CACNA1S: variants seen among roughly 807,000 people sequenced by gnomAD.
CACNA1S encodes calcium voltage-gated channel subunit alpha1 S, also known as voltage-dependent L-type calcium channel subunit alpha-1S.
Under a neutral mutation model 207.4 loss-of-function variants are expected in CACNA1S, and 126 were observed. The ratio of observed to expected loss-of-function variants is 0.61; its 90% CI spans 0.53 to 0.70. The LOEUF is 0.70. Among genes scored for constraint, CACNA1S ranks in the 30% least tolerant of loss-of-function variants. The probability of loss-of-function intolerance (pLI) is 0.00; values close to 1 mark genes in which losing one functional copy is unlikely to be tolerated. For missense variants in CACNA1S, 2,349 were observed against 2,422.8 expected, an observed-to-expected ratio of 0.97 and a Z score of 0.64; for synonymous variants, 960 against 932.7, an observed-to-expected ratio of 1.03 and a Z score of -0.53.
intron 7 of CACNA1S, among the ~76,000 whole-genome samples, chr1:201,087,481 C>T (rs543846497): frequency 2.0e-5 from 3 of 152,162 alleles, no homozygotes; most frequent in Non-Finnish European, 4.4e-5. Context: ...TGAGGAGTGT[C>T]AAAACAGAGG....
chr1:201,058,180 C>T (rs923730239), intron 28 of CACNA1S, among the ~76,000 whole-genome samples: 6 of 152,192 alleles, frequency 3.9e-5, no homozygotes, highest in African/African-American at 1.4e-4. Flanking sequence ...CAGCTCTTGC[C>T]TTTGATAGTG....
chr1:201,077,743 G>A (rs1661680035), intron 11 of CACNA1S, 136 bp downstream of exon 11: 2 of 622,874 alleles, frequency 3.2e-6, no homozygotes. Context: ...ATTTCAAGGA[G>A]GGAGGGAAGT....
intron 5 of CACNA1S, 130 bp from the exon 6 acceptor site, chr1:201,089,593 G>C (rs1264218544): frequency 1.1e-6 from 1 of 888,262 alleles, no homozygotes; most frequent in Non-Finnish European, 1.8e-6. Flanking sequence ...AAATGCAAAA[G>C]ACAGCTTCAC....
rs1660769301 is a variant in CACNA1S, at chr1:201,054,575, A to G, written c.3610-14T>C. 1.9e-6 allele frequency: 3 copies of G among 1,609,598 alleles called. No homozygotes were observed. In the East Asian group the frequency reaches 6.7e-5, roughly 36 times the overall value. On this transcript the variant is annotated splice_polypyrimidine_tract_variant and intron_variant, in intron 28 of 43. Transcript: ENST00000362061. ...GGCCAGGAAAGTCTGTGGAGAAAAG[A>G]GACGAAGGGAGGGGAAGGAGAGGAG...
At chr1:201,085,765 G>A (rs933825544) in intron 7 of CACNA1S, among the ~76,000 whole-genome samples, 184 bp from the exon 8 acceptor site, 1 of 151,858 alleles carries the variant, frequency 6.6e-6, no homozygotes, top group Non-Finnish European at 1.5e-5. Flanking sequence ...CTCACTTCCT[G>A]CTCACCCGTC....
In CACNA1S at chr1:201,039,564, C is replaced by CTAGG. The variant is rs1301794133; in HGVS notation, c.*263_*266dup. On this transcript the variant is annotated 3_prime_UTR_variant, in exon 44 of 44. Transcript: ENST00000362061. Reference sequence around the variant, plus strand: ...TAATGTCCTGCAGGTGGGAGTGGCCCTAGGCCAGACAGGCACTGACCAGGC... The same window carrying CTAGG: ...TAATGTCCTGCAGGTGGGAGTGGCCCTAGGTAGGCCAGACAGGCACTGACCAGGC... 8.9e-6 allele frequency: 5 copies of CTAGG among 562,830 alleles called. No homozygotes were observed. In the African/African-American group the frequency reaches 9.4e-5, roughly 11 times the overall value. The allele number at this position is 562,830 out of a possible 1,614,324, so 34.9% of individuals were successfully genotyped here.
In CACNA1S at chr1:201,053,389, A is replaced by C; in HGVS notation, c.3795+70T>G. 2 of 1,612,490 alleles carry C rather than the reference A, an allele frequency of 1.2e-6. No homozygotes were observed. Among genetic ancestry groups the C allele is most frequent in the Non-Finnish European group, 1.7e-6 (2 of 1,178,742 alleles). On this transcript the variant is annotated intron_variant, in intron 30 of 43. Coordinates refer to ENST00000362061, the MANE Select transcript of CACNA1S (RefSeq NM_000069.3). This position sits in a 1 kb window ranked among gnomAD's most constrained non-coding sequence, Gnocchi z 5.1. ...CTTGCCCAGGGCTCCCCTGGGGCCC[A>C]CCCTGGGCTGAGGCAGATGTCCCTA...
In CACNA1S at chr1:201,062,472, C is replaced by T; in HGVS notation, c.2896G>A (p.Glu966Lys). The T allele has an allele frequency of 6.2e-7, 1 of 1,614,014 alleles. No individual in the cohort carries two copies. Among genetic ancestry groups the T allele is most frequent in the Non-Finnish European group, 8.5e-7 (1 of 1,179,982 alleles). The part of the protein sequence containing the change: ...RCTDLSKMTE[E>K]ECRGYYYVYK... ...CCCTGCCCCATGTACCTGCACTCCTCCTCTGTCATCTTGGACAAGTCGGTG... is the reference window on the plus strand; with the variant it reads ...CCCTGCCCCATGTACCTGCACTCCTTCTCTGTCATCTTGGACAAGTCGGTG... The change falls in exon 23 of 44, where the codon GAG becomes AAG. Residue 966 changes from glutamate (E) to lysine (K), a missense_variant. Glu to Lys is a moderately conservative substitution (Grantham distance 56). Coordinates refer to ENST00000362061, the MANE Select transcript of CACNA1S (RefSeq NM_000069.3).
chr1:201,081,592 C>T (rs1474235619), intron 10 of CACNA1S, among the ~76,000 whole-genome samples: 1 of 152,164 alleles, frequency 6.6e-6, no homozygotes, highest in Non-Finnish European at 1.5e-5. Context: ...CTTTCCATTG[C>T]CTAAAGTGTA....
At chr1:201,083,963 A>G (rs1222909565) in intron 9 of CACNA1S, among the ~76,000 whole-genome samples, 1 of 152,082 alleles carries the variant, frequency 6.6e-6, no homozygotes, top group Non-Finnish European at 1.5e-5. Context: ...CTCATCCACA[A>G]CTGTTCCCTG....
chr1:201,047,578 A>T lies in CACNA1S; in HGVS notation c.4490T>A (p.Ile1497Asn). Residue 1497 changes from isoleucine to asparagine, a missense_variant, in exon 37 of 44, where the codon ATC (isoleucine) becomes AAC (asparagine). Transcript: ENST00000362061. ...GAGCTTCATGCTGGTTCTCTTCCAG[A>T]TCTTCTTGATGATGGCCCTCAGCTC... ...NEELRAIIKK[I>N]WKRTSMKLLD... The T allele has an allele frequency of 6.2e-7, 1 of 1,614,166 alleles. No homozygotes were observed. The highest frequency in any genetic ancestry group is 8.5e-7 in the Non-Finnish European group (1 of 1,180,036).
chr1:201,110,885 G>C (rs532124812), intron 1 of CACNA1S, among the ~76,000 whole-genome samples: 1 of 152,172 alleles, frequency 6.6e-6, no homozygotes, highest in Non-Finnish European at 1.5e-5. Flanking sequence ...TGGCTTTCTC[G>C]ACTTTCTGGC....
chr1:201,052,587 G>A lies in CACNA1S; in HGVS notation c.3923C>T (p.Thr1308Ile), dbSNP rs1190480438. 8.7e-6 allele frequency: 14 copies of A among 1,613,996 alleles called. No individual in the cohort carries two copies. Among genetic ancestry groups the A allele is most frequent in the Non-Finnish European group, 1.2e-5 (14 of 1,179,926 alleles). The change falls in exon 32 of 44, where the codon ACC becomes ATC. Residue 1308 changes from threonine to isoleucine, a missense_variant. Transcript: ENST00000362061. Reference protein sequence around the residue: ...TQINRNNNFQTFPQAVLLLFR... With the variant: ...TQINRNNNFQIFPQAVLLLFR... ...GAGCAGTAGCACAGCTTGTGGGAAG[G>A]TCTGGAAGTTGTTGTTCCGGTTTAT...
At chr1:201,101,402 C>T (rs576368846) in intron 2 of CACNA1S, among the ~76,000 whole-genome samples, 1 of 152,194 alleles carries the variant, frequency 6.6e-6, no homozygotes, top group Non-Finnish European at 1.5e-5. Flanking sequence ...ACTTCCAGGG[C>T]CTTCTGAGAT....
At chr1:201,099,313 C>T (rs1428714893) in intron 2 of CACNA1S, among the ~76,000 whole-genome samples, 2 of 152,186 alleles carry the variant, frequency 1.3e-5, no homozygotes, top group Non-Finnish European at 2.9e-5. Context: ...CCCCATGTGC[C>T]CCGCTGGAGG....
chr1:201,085,926 C>T (rs748446905), intron 7 of CACNA1S, among the ~76,000 whole-genome samples: 3 of 152,202 alleles, frequency 2.0e-5, no homozygotes, highest in Non-Finnish European at 4.4e-5. Context: ...GAATCAGCCA[C>T]GGAGCCTCAA....
intron 19 of CACNA1S, 37 bp from the exon 20 acceptor site, chr1:201,067,030 T>C (rs1288982070): frequency 9.9e-6 from 14 of 1,411,226 alleles, no homozygotes; most frequent in Non-Finnish European, 1.4e-5. Flanking sequence ...ATGGAGGAGC[T>C]TGGAGAACAG....
chr1:201,094,773 G>T (rs1045933772), intron 2 of CACNA1S, among the ~76,000 whole-genome samples: 23 of 152,074 alleles, frequency 1.5e-4, no homozygotes, highest in Non-Finnish European at 3.1e-4. Context: ...TGTGTGTGGG[G>T]AACACAGGTA....
intron 35 of CACNA1S, 70 bp from the exon 36 acceptor site, chr1:201,048,754 CG>C (rs1373595251): frequency 4.3e-6 from 6 of 1,382,426 alleles, no homozygotes; most frequent in Non-Finnish European, 6.2e-6. Context: ...CATCCTCACC[CG>C]GTCTGTGGAC....
Sources: allele counts gnomAD v4.1 joint callset (sites outside exome capture counted in the v4.1 genomes callset), GRCh38; gene constraint gnomAD v4.1.1; non-coding constraint Gnocchi (gnomAD v3.1); transcripts MANE v1.5; gene names NCBI Gene and HGNC (gene_info 2026-07-23, HGNC 2026-07-21).